TNIP3: variants seen among roughly 807,000 people sequenced by gnomAD.
The protein encoded by TNIP3 is TNFAIP3-interacting protein 3.
A neutral mutation model predicts 54.1 loss-of-function variants in TNIP3; 34 were observed. The observed-to-expected ratio is 0.63, with a 90% CI of 0.48 to 0.84. The LOEUF (loss-of-function observed/expected upper bound fraction) is 0.84, where lower values mean the gene tolerates loss of function less well. Ranked by LOEUF, TNIP3 falls within the 40% of genes least tolerant of loss-of-function variation. The pLI is 0.00. For missense variants in TNIP3, 366 were observed against 387.6 expected (o/e 0.94, Z 0.47); for synonymous variants, 134 against 136.8 (o/e 0.98, Z 0.14).
chr4:121,152,229 C>A (rs1208824457), intron 5 of TNIP3, among the ~76,000 whole-genome samples: 2 of 151,966 alleles, frequency 1.3e-5, no homozygotes, highest in Non-Finnish European at 2.9e-5. Context: ...AAATCAGCTA[C>A]CAAAATCAAC....
At chr4:121,164,426 AT>A, upstream of TNIP3, 1 of 939,638 alleles carries the variant, frequency 1.1e-6, no homozygotes, top group African/African-American at 1.7e-5. Flanking sequence ...CCTGGGGCAG[AT>A]TAGCCTTGCT....
intron 7 of TNIP3, among the ~76,000 whole-genome samples, chr4:121,144,079 G>T (rs191246746): frequency 6.6e-6 from 1 of 152,306 alleles, no homozygotes; most frequent in African/African-American, 2.4e-5. Context: ...TTGATTTGGG[G>T]ATGACAAATG....
chr4:121,168,862 G>A (rs1579431308), upstream of TNIP3, among the ~76,000 whole-genome samples: 1 of 152,234 alleles, frequency 6.6e-6, no homozygotes, highest in East Asian at 1.9e-4. Context: ...ACATTTTTAA[G>A]AGCGTGTCCA....
Position 121,154,603 on chromosome 4 carries a change from A to G in TNIP3, c.440T>C (p.Leu147Pro). Residue 147 changes from leucine (L) to proline (P), a missense_variant, in exon 5 of 11, where the codon CTT becomes CCT. Transcript: ENST00000057513. ...ENKLLKGKNT[L>P]ANKEKEHYEC... ...GTAATGTTCCTTTTCCTTGTTCGCA[A>G]GAGTATTTTTTCCCTTTAAAAGTTT... 2.5e-6 allele frequency: 4 copies of G among 1,613,876 alleles called. No homozygotes were observed. The highest frequency in any genetic ancestry group is 3.4e-6 in the Non-Finnish European group (4 of 1,179,978).
intron 4 of TNIP3, among the ~76,000 whole-genome samples, chr4:121,155,191 C>T (rs989478392): frequency 6.6e-6 from 1 of 152,062 alleles, no homozygotes; most frequent in Non-Finnish European, 1.5e-5. Flanking sequence ...TCTCAAACTC[C>T]TGACCTCGTG....
At chr4:121,144,143 G>C (rs902488822) in intron 7 of TNIP3, among the ~76,000 whole-genome samples, 5 of 152,144 alleles carry the variant, frequency 3.3e-5, no homozygotes, top group Non-Finnish European at 5.9e-5. Context: ...GATGAGGATA[G>C]ACTGTACATG....
chr4:121,186,936 T>C (rs1725052584), intron 2 of TNIP3, among the ~76,000 whole-genome samples: 1 of 152,216 alleles, frequency 6.6e-6, no homozygotes, highest in South Asian at 2.1e-4. Context: ...TAGGAATTTG[T>C]ACATGAAAAT....
chr4:121,142,826 A>C (rs1560638836), intron 7 of TNIP3, 50 bp from the exon 8 acceptor site: 1 of 1,523,220 alleles, frequency 6.6e-7, no homozygotes, highest in Non-Finnish European at 9.1e-7. Context: ...TAAAATCATT[A>C]ATTCCCAAGC....
At chr4:121,137,940 T>G in intron 10 of TNIP3, 1 of 456,212 alleles carries the variant, frequency 2.2e-6, no homozygotes, top group Non-Finnish European at 4.4e-6. Context: ...ATTTTGATTA[T>G]AGCTCAGTTT....
intron 2 of TNIP3, 58 bp from the exon 3 acceptor site, chr4:121,158,810 G>A (rs1730269398): frequency 9.3e-6 from 13 of 1,394,566 alleles, no homozygotes; most frequent in Non-Finnish European, 1.2e-5. Context: ...TGGAAGTTTG[G>A]TCAAAAAGAA....
At chr4:121,198,617 C>T (rs1352551844) in intron 2 of TNIP3, among the ~76,000 whole-genome samples, 2 of 152,176 alleles carry the variant, frequency 1.3e-5, no homozygotes, top group Non-Finnish European at 2.9e-5. Flanking sequence ...AAAACTATAG[C>T]ATTATTTTGC....
chr4:121,222,807 T>G (rs1353056593), intron 1 of TNIP3, among the ~76,000 whole-genome samples: 1 of 91,828 alleles, frequency 1.1e-5, no homozygotes, highest in African/African-American at 3.5e-5. Context: ...TTTGTGCGTT[T>G]TTTTTTTTTT....
At chr4:121,140,648 A>G (rs1729060840) in intron 9 of TNIP3, among the ~76,000 whole-genome samples, 1 of 152,248 alleles carries the variant, frequency 6.6e-6, no homozygotes, top group African/African-American at 2.4e-5. Context: ...CTATAGGTTA[A>G]TTCACTCCTA....
chr4:121,185,857 G>A (rs1579459726), intron 2 of TNIP3, among the ~76,000 whole-genome samples: 1 of 152,192 alleles, frequency 6.6e-6, no homozygotes, highest in South Asian at 2.1e-4. Context: ...CAACAATTGA[G>A]TATCCATTAT....
At chr4:121,195,267 C>T (rs1011434879) in intron 2 of TNIP3, among the ~76,000 whole-genome samples, 4 of 152,136 alleles carry the variant, frequency 2.6e-5, no homozygotes, top group Non-Finnish European at 5.9e-5. Flanking sequence ...TCTATATGCT[C>T]ATAATTTCAG....
intron 1 of TNIP3, among the ~76,000 whole-genome samples, chr4:121,224,462 T>C (rs759876935): frequency 6.6e-6 from 1 of 152,214 alleles, no homozygotes; most frequent in African/African-American, 2.4e-5. Flanking sequence ...CTTTGGCTTT[T>C]ACCTGTAAAG....
chr4:121,196,088 G>A (rs79895551), intron 2 of TNIP3, among the ~76,000 whole-genome samples: 1 of 152,168 alleles, frequency 6.6e-6, no homozygotes, highest in Non-Finnish European at 1.5e-5. Flanking sequence ...GGTGGAAACT[G>A]TCTCCCTGTT....
chr4:121,143,774 T>C (rs983159210), intron 7 of TNIP3, among the ~76,000 whole-genome samples: 1 of 152,260 alleles, frequency 6.6e-6, no homozygotes, highest in Non-Finnish European at 1.5e-5. Flanking sequence ...TATGTATTGT[T>C]GATTAACTCT....
In TNIP3 at chr4:121,206,538, T is replaced by TTGTGTGTGTGTG. The variant is rs140121953; in HGVS notation, c.68+9876_68+9877insCACACACACACA. ...TGTTGAGATGTTACATTTGTATATA[T>TTGTGTGTGTGTG]TGTGTGTGTGTTTTATCTTTTCTTT... is the stretch of plus-strand genomic sequence containing the variant. On this transcript the variant is annotated intron_variant, in intron 2 of 12. Coordinates refer to the TNIP3 transcript ENST00000507879. 2.1e-3 allele frequency among the ~76,000 whole-genome samples: 323 copies of TTGTGTGTGTGTG among 151,586 alleles called. 1 individual carries two copies. The highest frequency in any genetic ancestry group is 7.1e-3 in the African/African-American group (293 of 41,196).
Sources: gnomAD v4.1 joint callset for allele counts (sites outside exome capture counted in the v4.1 genomes callset) on GRCh38, gnomAD v4.1.1 for gene constraint, MANE v1.5 for transcripts, NCBI Gene and HGNC (gene_info 2026-07-23, HGNC 2026-07-21) for gene names.